LRR1: variants seen among roughly 807,000 people sequenced by gnomAD.
LRR1 encodes leucine-rich repeat protein 1.
Under a neutral mutation model 31.6 loss-of-function variants are expected in LRR1, and 29 were observed. The observed-to-expected ratio is 0.92, with a 90% confidence interval of 0.68 to 1.25. The LOEUF (loss-of-function observed/expected upper bound fraction) is 1.25. LRR1 is among the 50% of genes most tolerant of loss of function. The probability of loss-of-function intolerance (pLI) is 0.00; values close to 1 mark genes in which losing one functional copy is unlikely to be tolerated. For synonymous variants in LRR1, 179 were observed against 181.4 expected (o/e 0.99, Z 0.10); for missense variants, 485 against 487.2 (o/e 1.00, Z 0.04).
intron 2 of LRR1, among the ~76,000 whole-genome samples, chr14:49,603,207 G>A (rs1339780228): frequency 1.9e-5 from 2 of 105,058 alleles, no homozygotes; most frequent in Non-Finnish European, 4.2e-5. Context: ...AGCCGAATAG[G>A]GACAGACTCT....
At position 49,602,364 on chromosome 14, in the gene LRR1, A is replaced by T. The variant is rs769484542; in HGVS notation, c.184-6A>T. ...TTCTTCTTTTTTTTCTATTGGTTTT[A>T]TGCAGCTAAGGGAGAACATTGAGCA... On this transcript the variant is annotated splice_polypyrimidine_tract_variant and splice_region_variant and intron_variant, in intron 1 of 3. Coordinates refer to ENST00000298288, the MANE Select transcript of LRR1 (RefSeq NM_152329.4). 6.2e-7 allele frequency: 1 copy of T among 1,608,852 alleles called. No homozygotes were observed. The highest frequency in any genetic ancestry group is 8.5e-7 in the Non-Finnish European group (1 of 1,176,254).
intron 3 of LRR1, among the ~76,000 whole-genome samples, chr14:49,612,827 G>A (rs1882561627): frequency 6.6e-6 from 1 of 152,138 alleles, no homozygotes; most frequent in Non-Finnish European, 1.5e-5. Context: ...CTGGAGCATG[G>A]TTGTGTTTAG....
chr14:49,602,564 A>T (rs2354444), intron 2 of LRR1, 96 bp downstream of exon 2: 491,881 of 973,792 alleles, frequency 0.51, 129,619 homozygotes, highest in Non-Finnish European at 0.54. Context: ...TGAAGTACAG[A>T]GGCATAGTCA....
At chr14:49,612,958 G>C (rs1362566057) in intron 3 of LRR1, among the ~76,000 whole-genome samples, 3 of 152,132 alleles carry the variant, frequency 2.0e-5, no homozygotes. Context: ...TCAGCACTTT[G>C]GGAGGCCGAG....
intron 3 of LRR1, among the ~76,000 whole-genome samples, chr14:49,610,363 C>T (rs913270277): frequency 6.6e-6 from 1 of 151,736 alleles, no homozygotes; most frequent in East Asian, 1.9e-4. Flanking sequence ...AAGTGATTCT[C>T]CTGCCTCAGC....
At chr14:49,612,234 C>T (rs1169579037) in intron 3 of LRR1, among the ~76,000 whole-genome samples, 1 of 152,156 alleles carries the variant, frequency 6.6e-6, no homozygotes, top group Non-Finnish European at 1.5e-5. Context: ...ATATAGCTTT[C>T]TTGTAAGATG....
At chr14:49,611,987 G>A (rs1366700624) in intron 3 of LRR1, among the ~76,000 whole-genome samples, 2 of 151,532 alleles carry the variant, frequency 1.3e-5, no homozygotes, top group African/African-American at 2.4e-5. Context: ...TGAAAATTAT[G>A]TCCAAATGAG....
rs771986048 is a variant in LRR1 at position 49,614,501 on chromosome 14, T to A, written c.*5T>A. ...TCCTCTGATATGTTAAAGTAATGGG[T>A]GAGACCAGAAAAAGAAATTTCAATA... On this transcript the variant is annotated 3_prime_UTR_variant, in exon 4 of 4. Transcript: ENST00000298288. 1.9e-6 allele frequency: 3 copies of A among 1,613,272 alleles called. No homozygotes were observed. In the South Asian group the frequency reaches 3.3e-5, roughly 18 times the overall value.
chr14:49,599,321 C>T (rs1215456571), intron 1 of LRR1, 118 bp downstream of exon 1: 22 of 1,178,276 alleles, frequency 1.9e-5, no homozygotes, highest in Non-Finnish European at 2.6e-5. Flanking sequence ...CTTGGGGGTT[C>T]CTGAACTCCC....
chr14:49,612,771 C>T (rs1338586133), intron 3 of LRR1: 6 of 477,610 alleles, frequency 1.3e-5, no homozygotes, highest in Middle Eastern at 1.0e-3. Flanking sequence ...AAGCTAGAGA[C>T]TAGAGAAACA....
intron 2 of LRR1, among the ~76,000 whole-genome samples, chr14:49,605,714 A>G (rs537154233): frequency 2.0e-5 from 3 of 152,236 alleles, no homozygotes; most frequent in African/African-American, 2.4e-5. Flanking sequence ...GCTTTATTTC[A>G]GTCCTCTGCT....
rs192412921 is a variant in LRR1 at position 49,606,274 on chromosome 14, A to G, written c.283-1126A>G. Among the ~76,000 whole-genome samples the G allele has an allele frequency of 3.3e-3, 500 of 151,842 alleles. 2 individuals carry two copies. The highest frequency in any genetic ancestry group is 4.0e-3 in the Non-Finnish European group (270 of 67,908). On this transcript the variant is annotated intron_variant, in intron 2 of 3. Transcript: ENST00000298288. ...ACTCCTAACCTCAGGTGATCCACCC[A>G]CCTTGGCCTCCCAAAGTGCTAGGAT...
At position 49,602,361 on chromosome 14, in the gene LRR1, T is replaced by G. The variant is rs1366903809; in HGVS notation, c.184-9T>G. On this transcript the variant is annotated splice_polypyrimidine_tract_variant and intron_variant, in intron 1 of 3. Coordinates refer to ENST00000298288, the MANE Select transcript of LRR1 (RefSeq NM_152329.4). ...GTTTTCTTCTTTTTTTTCTATTGGT[T>G]TTATGCAGCTAAGGGAGAACATTGA... 1.2e-6 allele frequency: 2 copies of G among 1,606,578 alleles called. No homozygotes were observed. Among genetic ancestry groups the G allele is most frequent in the Non-Finnish European group, 1.7e-6 (2 of 1,174,438 alleles).
chr14:49,613,771 C>T (rs1430455639), intron 3 of LRR1, among the ~76,000 whole-genome samples: 1 of 152,164 alleles, frequency 6.6e-6, no homozygotes, highest in East Asian at 1.9e-4. Flanking sequence ...AGAGCGCGCA[C>T]CACTGCACTC....
At chr14:49,601,903 C>G (rs921268106) in intron 1 of LRR1, among the ~76,000 whole-genome samples, 3 of 151,424 alleles carry the variant, frequency 2.0e-5, no homozygotes, top group African/African-American at 7.3e-5. Context: ...TAGGCCCAGG[C>G]AGGCAGATCA....
chr14:49,605,598 C>G (rs1199723173), intron 2 of LRR1, among the ~76,000 whole-genome samples: 1 of 152,170 alleles, frequency 6.6e-6, no homozygotes, highest in Admixed American at 6.5e-5. Context: ...AAAACTCTTT[C>G]TTTTCTTGGT....
chr14:49,599,365 GT>G (rs1431545042), intron 1 of LRR1, among the ~76,000 whole-genome samples, 162 bp downstream of exon 1: 2 of 152,226 alleles, frequency 1.3e-5, no homozygotes, highest in Non-Finnish European at 2.9e-5. Flanking sequence ...CGACCCCAGG[GT>G]CCTGTGCGTC....
At chr14:49,601,250 A>T (rs1440447906) in intron 1 of LRR1, 1 of 1,249,610 alleles carries the variant, frequency 8.0e-7, no homozygotes, top group Non-Finnish European at 1.1e-6. Context: ...AGCATCCTGC[A>T]CTTGCCTTGT....
chr14:49,614,612 A>C lies in LRR1; in HGVS notation c.*116A>C. The C allele has an allele frequency of 7.2e-7, 1 of 1,380,384 alleles. No homozygotes were observed. The highest frequency in any genetic ancestry group is 1.0e-6 in the Non-Finnish European group (1 of 980,826). 85.5% of individuals were successfully genotyped at this position (1,380,384 alleles called of 1,614,324 possible). A position where few individuals can be genotyped will look rare whatever the true frequency, so the allele number is the denominator to read the frequency against. ...TCTGTATACTTGCTGGAGAGGAGGAATGTGTATAGTTACTCATTTAGATGA... is the reference window on the plus strand; with the variant it reads ...TCTGTATACTTGCTGGAGAGGAGGACTGTGTATAGTTACTCATTTAGATGA... On this transcript the variant is annotated 3_prime_UTR_variant, in exon 4 of 4. Transcript: ENST00000298288.
Sources: gnomAD v4.1 joint callset for allele counts (sites outside exome capture counted in the v4.1 genomes callset) on GRCh38, gnomAD v4.1.1 for gene constraint, MANE v1.5 for transcripts, NCBI Gene and HGNC (gene_info 2026-07-23, HGNC 2026-07-21) for gene names.